Variants in CCDC57 observed in about 807,000 individuals in gnomAD.
CCDC57 encodes the protein coiled-coil domain-containing protein 57.
CCDC57 carries 118 observed loss-of-function variants against 118.9 expected under a neutral mutation model. The observed-to-expected ratio is 0.99, with a 90% confidence interval of 0.86 to 1.16. The LOEUF (loss-of-function observed/expected upper bound fraction) is 1.16. Ranked by LOEUF, CCDC57 falls within the 50% of genes most tolerant of loss-of-function variation. The probability of loss-of-function intolerance (pLI) is 0.00; values close to 1 mark genes in which losing one functional copy is unlikely to be tolerated. For synonymous variants in CCDC57, 527 were observed against 532.9 expected (o/e 0.99, Z 0.15); for missense variants, 1,300 against 1,320.7 (o/e 0.98, Z 0.24).
chr17:82,187,687 G>T (rs1477749033), intron 8 of CCDC57, among the ~76,000 whole-genome samples: 1 of 79,204 alleles, frequency 1.3e-5, no homozygotes, highest in Non-Finnish European at 2.6e-5. Flanking sequence ...CAGGGGTTGC[G>T]GGGGGTGCTG....
intron 11 of CCDC57, among the ~76,000 whole-genome samples, chr17:82,175,301 C>T (rs945020045): frequency 6.6e-6 from 1 of 152,244 alleles, no homozygotes. Flanking sequence ...TGTCCCAGGA[C>T]GCGCTGAGGG....
chr17:82,136,054 C>T (rs1016919514), intron 16 of CCDC57, among the ~76,000 whole-genome samples: 2 of 152,088 alleles, frequency 1.3e-5, no homozygotes, highest in Non-Finnish European at 2.9e-5. Context: ...GCATGGGAGG[C>T]GGTTTGGTGG....
At chr17:82,161,450 C>T (rs994064864) in intron 14 of CCDC57, among the ~76,000 whole-genome samples, 4 of 152,180 alleles carry the variant, frequency 2.6e-5, no homozygotes, top group African/African-American at 9.7e-5. Context: ...CAGGAACTTA[C>T]ACAGGAACAT....
chr17:82,198,762 G>A (rs1599414981), intron 3 of CCDC57, among the ~76,000 whole-genome samples: 1 of 151,562 alleles, frequency 6.6e-6, no homozygotes, highest in Non-Finnish European at 1.5e-5. Flanking sequence ...AGGCCGAGGT[G>A]GGCGGATCAC....
At chr17:82,188,794 C>G (rs1371559012) in intron 7 of CCDC57, among the ~76,000 whole-genome samples, 1 of 152,226 alleles carries the variant, frequency 6.6e-6, no homozygotes, top group Non-Finnish European at 1.5e-5. Flanking sequence ...ATCCTGGCAG[C>G]CAGCCAGGTC....
Position 82,118,968 on chromosome 17 carries a change from G to A in CCDC57, c.2899+8724C>T, listed in dbSNP as rs1488477592. Among the ~76,000 whole-genome samples the A allele has an allele frequency of 6.6e-6, 1 of 151,452 alleles. No homozygotes were observed. Among genetic ancestry groups the A allele is most frequent in the Non-Finnish European group, 1.5e-5 (1 of 67,908 alleles). ...CTGGTAGTGTGTGGTCCCCGTGAGAGGAAGCGGAGATCAGAGTAAGCTGTG... is the reference window on the plus strand; with the variant it reads ...CTGGTAGTGTGTGGTCCCCGTGAGAAGAAGCGGAGATCAGAGTAAGCTGTG... On this transcript the variant is annotated intron_variant, in intron 19 of 19. Coordinates refer to ENST00000665763, the Ensembl canonical transcript of CCDC57. This position sits in a 1 kb window ranked among gnomAD's most constrained non-coding sequence, Gnocchi z 4.7.
intron 15 of CCDC57, chr17:82,154,854 T>C (rs1222028567): frequency 6.6e-6 from 1 of 152,410 alleles, no homozygotes; most frequent in East Asian, 1.9e-4. Context: ...CTGTCTCTCC[T>C]GTGCAGGGTC....
intron 4 of CCDC57, among the ~76,000 whole-genome samples, chr17:82,196,262 G>C (rs2048289403): frequency 6.6e-6 from 1 of 152,230 alleles, no homozygotes; most frequent in Non-Finnish European, 1.5e-5. Flanking sequence ...ACTTAGAAAA[G>C]TCACCACTGG....
chr17:82,115,875 G>A (rs1598649223), intron 19 of CCDC57, among the ~76,000 whole-genome samples: 1 of 124,740 alleles, frequency 8.0e-6, no homozygotes, highest in East Asian at 2.5e-4. Context: ...TTGACTCACT[G>A]TAACCTCCAC....
At position 82,179,103 on chromosome 17, in the gene CCDC57, C is replaced by T. The variant is rs200450321; in HGVS notation, c.1298G>A (p.Arg433His). Residue 433 changes from arginine (R) to histidine (H), a missense_variant, in exon 10 of 20, where the codon CGC (arginine) becomes CAC (histidine). Physicochemically the swap from Arg to His is conservative, Grantham distance 29. Transcript: ENST00000665763. ...CTGGTCCCTTTCAATGTCATCACAG[C>T]GGCGCTGCCAGTCCAGGCCCAGCTG... 1.6e-3 allele frequency: 2,511 copies of T among 1,613,956 alleles called. 3 individuals are homozygous for T. The highest frequency in any genetic ancestry group is 2.0e-3 in the Non-Finnish European group (2,325 of 1,179,890).
chr17:82,176,180 A>G (rs2045453819), intron 11 of CCDC57, among the ~76,000 whole-genome samples: 1 of 152,096 alleles, frequency 6.6e-6, no homozygotes, highest in South Asian at 2.1e-4. Context: ...AGCCCAGGGC[A>G]TAAAACCCCT....
intron 2 of CCDC57, among the ~76,000 whole-genome samples, chr17:82,203,838 A>G (rs2049277313): frequency 1.3e-5 from 2 of 152,212 alleles, no homozygotes; most frequent in South Asian, 4.1e-4. Context: ...TGCTGCTGCC[A>G]GAGCAGGAAA....
intron 2 of CCDC57, among the ~76,000 whole-genome samples, chr17:82,207,199 G>C (rs181593917): frequency 0.011 from 1,687 of 152,188 alleles, 27 homozygotes; most frequent in African/African-American, 0.039. Flanking sequence ...AAATTAACTG[G>C]GGCGTCGCTT....
intron 19 of CCDC57, among the ~76,000 whole-genome samples, chr17:82,111,675 C>T (rs991565961): frequency 5.9e-5 from 9 of 151,944 alleles, no homozygotes; most frequent in East Asian, 1.9e-4. Context: ...GGTGCGATCT[C>T]GGCTCACTGC....
intron 2 of CCDC57, among the ~76,000 whole-genome samples, chr17:82,203,551 G>A (rs973601720): frequency 1.3e-5 from 2 of 152,150 alleles, no homozygotes; most frequent in African/African-American, 2.4e-5. Flanking sequence ...AGTAGCTCTC[G>A]CCTGCAATCC....
chr17:82,131,623 A>G (rs7406556), intron 17 of CCDC57, among the ~76,000 whole-genome samples: 70,956 of 151,566 alleles, frequency 0.47, 17,389 homozygotes, highest in East Asian at 0.88. Flanking sequence ...GTGGTGGTGC[A>G]TGCCTGTAGT....
chr17:82,195,365 C>T lies in CCDC57; in HGVS notation c.517-1G>A, dbSNP rs766144422. ...TCGATTCAAACTCCAGCAGCAGTTC[C>T]TGGAACAAACAGGTTTCATGATGAA... is the stretch of plus-strand genomic sequence containing the variant. On this transcript the variant is annotated splice_acceptor_variant, in intron 4 of 19. Coordinates refer to ENST00000665763, the Ensembl canonical transcript of CCDC57. LOFTEE classifies it high-confidence loss of function. 2.5e-6 allele frequency: 4 copies of T among 1,584,180 alleles called. No homozygotes were observed. The South Asian group carries it at 4.6e-5, about 18-fold the overall frequency.
chr17:82,122,393 A>G (rs2036829527), intron 19 of CCDC57, among the ~76,000 whole-genome samples: 1 of 44,776 alleles, frequency 2.2e-5, no homozygotes, highest in South Asian at 5.3e-4. Flanking sequence ...AAGTCGGAGC[A>G]AGCATCTCCC....
chr17:82,151,204 T>C (rs57268920), intron 16 of CCDC57, among the ~76,000 whole-genome samples: 18,806 of 29,838 alleles, frequency 0.63, 5,333 homozygotes, highest in East Asian at 0.89. Context: ...CAGGCGCACA[T>C]CCAGAACCTG....
Sources: gnomAD v4.1 joint callset for allele counts (sites outside exome capture counted in the v4.1 genomes callset) on GRCh38, gnomAD v4.1.1 for gene constraint, Gnocchi (gnomAD v3.1) non-coding constraint, MANE v1.5 for transcripts, NCBI Gene and HGNC (gene_info 2026-07-23, HGNC 2026-07-21) for gene names.